PDE10A: variants seen among roughly 807,000 people sequenced by gnomAD.
The protein encoded by PDE10A is phosphodiesterase 10A, also known as cAMP and cAMP-inhibited cGMP 3',5'-cyclic phosphodiesterase 10A.
PDE10A carries 39 observed loss-of-function variants against 97.7 expected under a neutral mutation model. The ratio of observed to expected loss-of-function variants is 0.40; its 90% CI spans 0.31 to 0.52. PDE10A has a LOEUF of 0.52. PDE10A is among the 20% of genes least tolerant of loss of function. PDE10A has a pLI of 0.56. For missense variants in PDE10A, 731 were observed against 1,047.8 expected (o/e 0.70, Z 4.17); for synonymous variants, 371 against 376.8 (o/e 0.98, Z 0.18).
chr6:165,358,408 T>C (rs1465436765), intron 18 of PDE10A, among the ~76,000 whole-genome samples: 1 of 152,124 alleles, frequency 6.6e-6, no homozygotes, highest in Non-Finnish European at 1.5e-5. Context: ...ATTTATTATG[T>C]CTTTTGTACA....
chr6:165,654,840 C>T (rs1562662575), intron 1 of PDE10A, among the ~76,000 whole-genome samples: 2 of 152,274 alleles, frequency 1.3e-5, no homozygotes, highest in South Asian at 4.1e-4. Flanking sequence ...TGGCTTCTTC[C>T]CTCTTGAGGC....
chr6:165,510,270 A>G (rs1357447360), intron 2 of PDE10A, among the ~76,000 whole-genome samples: 1 of 151,378 alleles, frequency 6.6e-6, no homozygotes, highest in Non-Finnish European at 1.5e-5. Context: ...AGTTTGCTGA[A>G]TTTTATTAAA....
intron 2 of PDE10A, among the ~76,000 whole-genome samples, chr6:165,485,103 G>T (rs1779823921): frequency 6.6e-6 from 1 of 152,148 alleles, no homozygotes; most frequent in African/African-American, 2.4e-5. Context: ...GTGTATATGT[G>T]GTGACCAGCT....
At chr6:165,845,467 A>G (rs1254924377) in intron 1 of PDE10A, among the ~76,000 whole-genome samples, 3 of 152,244 alleles carry the variant, frequency 2.0e-5, no homozygotes, top group African/African-American at 4.8e-5. Context: ...AGAACTCCAC[A>G]AACCACATTC....
At position 165,433,044 on chromosome 6, in the gene PDE10A, C is replaced by A. The variant is rs2128238800; in HGVS notation, c.1421G>T (p.Gly474Val). 6.2e-7 allele frequency: 1 copy of A among 1,613,536 alleles called. No individual in the cohort carries two copies. ...VLCLPIVTAI[G>V]DLIGILELYR... ...CAGCTCGAGAATACCAATCAAGTCA[C>A]CAATTGCAGTGACAATTGGTAAGCA... The change falls in exon 7 of 22, where the codon GGT (glycine) becomes GTT (valine). Residue 474 changes from glycine (G) to valine (V), a missense_variant. By Grantham distance (109) the Gly-to-Val change is moderately radical (BLOSUM62 -3). This residue lies in a region of PDE10A where 152 missense variants were observed against 199.3 expected (regional missense o/e 0.76). Transcript: ENST00000539869.
rs1033152034 is a variant in PDE10A at position 165,329,288 on chromosome 6, A to G, written c.*3737T>C. The stretch of plus-strand genomic sequence containing the variant: ...GGTTATAGTCACCAGGGTATATGTC[A>G]ATGAAGTCAAATAAAGAACAGAAAT... On this transcript the variant is annotated 3_prime_UTR_variant, in exon 22 of 22. Transcript: ENST00000539869. 11 of 152,232 alleles carry G rather than the reference A, an allele frequency of 7.2e-5. No individual in the cohort carries two copies. Among genetic ancestry groups the G allele is most frequent in the African/African-American group, 2.7e-4 (11 of 41,462 alleles). The allele number at this position is 152,232 out of a possible 1,614,324, so 9.4% of individuals were successfully genotyped here. A position where few individuals can be genotyped will look rare whatever the true frequency, so the allele number is the denominator to read the frequency against.
chr6:165,765,649 TTC>T (rs1327471772), intron 1 of PDE10A, among the ~76,000 whole-genome samples: 1 of 152,144 alleles, frequency 6.6e-6, no homozygotes, highest in East Asian at 1.9e-4. Flanking sequence ...GCAGCCCCGG[TTC>T]CTGCTCGCGC....
At chr6:165,489,858 G>A (rs1438159208) in intron 2 of PDE10A, among the ~76,000 whole-genome samples, 1 of 152,076 alleles carries the variant, frequency 6.6e-6, no homozygotes. Flanking sequence ...AGAGCTCAAA[G>A]AGAAAGCTTT....
intron 1 of PDE10A, among the ~76,000 whole-genome samples, chr6:165,626,438 A>G (rs1788389940): frequency 6.6e-6 from 1 of 152,226 alleles, no homozygotes; most frequent in South Asian, 2.1e-4. Flanking sequence ...ATACAACCAT[A>G]TAGAAAATTT....
chr6:165,764,355 T>C (rs1171670774), intron 1 of PDE10A, among the ~76,000 whole-genome samples: 2 of 152,216 alleles, frequency 1.3e-5, no homozygotes, highest in African/African-American at 4.8e-5. Context: ...TTTTAATATA[T>C]CCTAGTGTTA....
chr6:165,667,999 C>T (rs1250403535), upstream of PDE10A, among the ~76,000 whole-genome samples: 1 of 152,166 alleles, frequency 6.6e-6, no homozygotes, highest in African/African-American at 2.4e-5. Flanking sequence ...TTCTTAAAAA[C>T]AGATGCAAGT....
chr6:165,465,750 G>C (rs970148829), intron 3 of PDE10A, among the ~76,000 whole-genome samples: 2 of 152,172 alleles, frequency 1.3e-5, no homozygotes, highest in Non-Finnish European at 2.9e-5. Flanking sequence ...CATGAGAATA[G>C]GGGGAAATCG....
At chr6:165,937,920 A>G (rs1032167012) in intron 1 of PDE10A, among the ~76,000 whole-genome samples, 1 of 152,180 alleles carries the variant, frequency 6.6e-6, no homozygotes, top group Non-Finnish European at 1.5e-5. Context: ...GGCTCTGCAA[A>G]CCAGTCCCCC....
intron 1 of PDE10A, among the ~76,000 whole-genome samples, chr6:165,605,272 C>T (rs1489353185): frequency 1.3e-5 from 2 of 151,924 alleles, no homozygotes; most frequent in African/African-American, 2.4e-5. Flanking sequence ...AAAAAACAAA[C>T]AAACAAAAAA....
chr6:165,710,139 C>T (rs971811391), intron 1 of PDE10A, among the ~76,000 whole-genome samples: 3 of 152,154 alleles, frequency 2.0e-5, no homozygotes, highest in African/African-American at 7.2e-5. Context: ...AACAGCGCCG[C>T]CACTCTGAGA....
chr6:165,629,012 T>C (rs2128413441), intron 1 of PDE10A, among the ~76,000 whole-genome samples: 1 of 152,222 alleles, frequency 6.6e-6, no homozygotes, highest in East Asian at 1.9e-4. Context: ...ATGATTTTTA[T>C]GGGTTTTTTT....
At chr6:165,796,818 C>T (rs2128464718) in intron 1 of PDE10A, among the ~76,000 whole-genome samples, 1 of 152,302 alleles carries the variant, frequency 6.6e-6, no homozygotes, top group East Asian at 1.9e-4. Context: ...CAGCCCCAGC[C>T]CCACTTTCCC....
chr6:165,513,063 T>C (rs976763182), intron 2 of PDE10A, among the ~76,000 whole-genome samples: 1 of 152,074 alleles, frequency 6.6e-6, no homozygotes, highest in Non-Finnish European at 1.5e-5. Flanking sequence ...CTTAGTGAAC[T>C]ACAATTTACT....
At chr6:165,460,951 G>A (rs1029372634) in intron 3 of PDE10A, among the ~76,000 whole-genome samples, 11 of 152,306 alleles carry the variant, frequency 7.2e-5, no homozygotes, top group African/African-American at 2.2e-4. Context: ...GATGGCGGCC[G>A]TTGTTAAGCC....
Sources: allele counts gnomAD v4.1 joint callset (sites outside exome capture counted in the v4.1 genomes callset), GRCh38; gene constraint gnomAD v4.1.1; regional missense constraint gnomAD v4.1.1; transcripts MANE v1.5; gene names NCBI Gene and HGNC (gene_info 2026-07-23, HGNC 2026-07-21).